The following RSU1 variants were observed in gnomAD, a reference collection of about 807,000 sequenced individuals.
RSU1 encodes rsu-1.
In RSU1, 26 loss-of-function variants were observed where a neutral mutation model predicts 31.1. The ratio of observed to expected loss-of-function variants is 0.84; its 90% CI spans 0.61 to 1.16. RSU1 has a LOEUF of 1.16. Among genes scored for constraint, RSU1 ranks in the 50% most tolerant of loss-of-function variants. RSU1 has a pLI of 0.00. For synonymous variants in RSU1, 164 were observed against 136.3 expected (o/e 1.20, Z -1.41); for missense variants, 320 against 339.1 (o/e 0.94, Z 0.44).
At chr10:16,689,664 A>C (rs747867578) in intron 8 of RSU1, among the ~76,000 whole-genome samples, 2 of 152,214 alleles carry the variant, frequency 1.3e-5, no homozygotes, top group Non-Finnish European at 2.9e-5. Flanking sequence ...CTTTTATCTC[A>C]TGGTTTCCCA....
intron 8 of RSU1, among the ~76,000 whole-genome samples, chr10:16,636,561 T>C (rs1020813037): frequency 2.6e-5 from 4 of 152,166 alleles, no homozygotes; most frequent in African/African-American, 9.7e-5. Flanking sequence ...CTTGTAGCAG[T>C]GATCATTTTG....
intron 8 of RSU1, among the ~76,000 whole-genome samples, chr10:16,654,270 T>C (rs932333218): frequency 2.0e-5 from 3 of 147,934 alleles, no homozygotes; most frequent in Non-Finnish European, 4.4e-5. Flanking sequence ...CCCAAAGCAT[T>C]GGGATTACAA....
At chr10:16,695,196 A>G (rs1235051892) in intron 7 of RSU1, 41 bp from the exon 8 acceptor site, 3 of 1,583,296 alleles carry the variant, frequency 1.9e-6, no homozygotes, top group East Asian at 2.3e-5. Flanking sequence ...ACTTCATCCA[A>G]TACAGATCAG....
chr10:16,754,211 T>C (rs1339487902), intron 5 of RSU1, among the ~76,000 whole-genome samples: 3 of 152,292 alleles, frequency 2.0e-5, no homozygotes, highest in Non-Finnish European at 4.4e-5. Flanking sequence ...TTTGAAGAAA[T>C]AGAACACTGA....
chr10:16,729,761 C>T (rs186347677), intron 7 of RSU1, among the ~76,000 whole-genome samples: 108 of 152,270 alleles, frequency 7.1e-4, no homozygotes, highest in African/African-American at 2.5e-3. Context: ...CTGTGATCAT[C>T]CCGCCCTCTC....
At position 16,803,693 on chromosome 10, in the gene RSU1, T is replaced by C. The variant is rs544935270; in HGVS notation, c.109+13280A>G. Among the ~76,000 whole-genome samples the C allele has an allele frequency of 5.3e-5, 8 of 152,292 alleles. No homozygotes were observed. In the East Asian group the frequency reaches 1.5e-3, roughly 29 times the overall value. On this transcript the variant is annotated intron_variant, in intron 2 of 8. Coordinates refer to ENST00000345264, the MANE Select transcript of RSU1 (RefSeq NM_012425.4). ...ATAGACCCACACAAATATAATCAGC[T>C]AATCTTTGGCAAAAGTGCAAAGGCA... is the stretch of plus-strand genomic sequence containing the variant.
intron 8 of RSU1, among the ~76,000 whole-genome samples, chr10:16,621,374 C>G (rs1441464748): frequency 6.6e-6 from 1 of 152,174 alleles, no homozygotes; most frequent in African/African-American, 2.4e-5. Context: ...ACTATGGACA[C>G]TGGCTCTGTT....
intron 7 of RSU1, among the ~76,000 whole-genome samples, chr10:16,741,377 C>T (rs1233058371): frequency 6.6e-6 from 1 of 151,932 alleles, no homozygotes; most frequent in Admixed American, 6.6e-5. Context: ...GAGAGATGGA[C>T]GGATTGGAGT....
At chr10:16,685,142 C>T (rs543871468) in intron 8 of RSU1, among the ~76,000 whole-genome samples, 3 of 152,180 alleles carry the variant, frequency 2.0e-5, no homozygotes, top group Non-Finnish European at 2.9e-5. Context: ...CCCAGGTACT[C>T]GGGAGACCGA....
At chr10:16,737,332 T>C (rs1307055364) in intron 7 of RSU1, among the ~76,000 whole-genome samples, 4 of 151,600 alleles carry the variant, frequency 2.6e-5, no homozygotes, top group African/African-American at 7.3e-5. Context: ...GAGAAACTGC[T>C]AAAACCCAAT....
intron 4 of RSU1, among the ~76,000 whole-genome samples, chr10:16,762,331 T>C (rs1837225887): frequency 6.6e-6 from 1 of 151,316 alleles, no homozygotes; most frequent in East Asian, 1.9e-4. Context: ...AATGTGTACA[T>C]ATATTTCATT....
chr10:16,690,047 C>A (rs1835513383), intron 8 of RSU1, among the ~76,000 whole-genome samples: 1 of 152,156 alleles, frequency 6.6e-6, no homozygotes, highest in African/African-American at 2.4e-5. Context: ...CAGTTGGTAT[C>A]CACGTTCCTT....
chr10:16,709,671 T>C (rs1002260481), intron 7 of RSU1, among the ~76,000 whole-genome samples: 4 of 152,228 alleles, frequency 2.6e-5, no homozygotes, highest in Admixed American at 2.6e-4. Context: ...TTTCCTGACT[T>C]TTTAACGATT....
At chr10:16,702,723 G>T (rs2131572571) in intron 7 of RSU1, among the ~76,000 whole-genome samples, 1 of 152,294 alleles carries the variant, frequency 6.6e-6, no homozygotes, top group South Asian at 2.1e-4. Context: ...CAGGTGGAAG[G>T]GACCAGCCTT....
At chr10:16,707,636 CT>C in intron 7 of RSU1, among the ~76,000 whole-genome samples, 1 of 150,546 alleles carries the variant, frequency 6.6e-6, no homozygotes, top group Non-Finnish European at 1.5e-5. Context: ...CAGATACATA[CT>C]TTGTAAATAT....
At chr10:16,673,525 T>A (rs1835159983) in intron 8 of RSU1, among the ~76,000 whole-genome samples, 2 of 152,222 alleles carry the variant, frequency 1.3e-5, no homozygotes, top group African/African-American at 2.4e-5. Context: ...TGTGAGAAAA[T>A]TTAAGCTCAA....
chr10:16,762,990 T>C (rs1837239151), intron 4 of RSU1, among the ~76,000 whole-genome samples: 1 of 139,408 alleles, frequency 7.2e-6, no homozygotes, highest in Non-Finnish European at 1.5e-5. Flanking sequence ...AGCAAGACTC[T>C]GTCTCAAAAA....
chr10:16,601,984 A>C lies in RSU1; in HGVS notation c.732-8488T>G, dbSNP rs563420285. 2.6e-5 allele frequency among the ~76,000 whole-genome samples: 4 copies of C among 152,266 alleles called. No individual in the cohort carries two copies. The East Asian group carries it at 7.7e-4, about 29-fold the overall frequency. The stretch of plus-strand genomic sequence containing the variant: ...GGGCTCACCCATTGAAAAATGAAAA[A>C]ATGGCTCACTCAATCTGAGGCCTGA... On this transcript the variant is annotated intron_variant, in intron 8 of 8. Coordinates refer to ENST00000345264, the MANE Select transcript of RSU1 (RefSeq NM_012425.4).
At chr10:16,640,462 A>G (rs1311225702) in intron 8 of RSU1, among the ~76,000 whole-genome samples, 3 of 152,190 alleles carry the variant, frequency 2.0e-5, no homozygotes, top group Non-Finnish European at 2.9e-5. Flanking sequence ...CTTTTCAAAA[A>G]GTCAATCTGA....
Sources: allele counts gnomAD v4.1 joint callset (sites outside exome capture counted in the v4.1 genomes callset), GRCh38; gene constraint gnomAD v4.1.1; transcripts MANE v1.5; gene names NCBI Gene and HGNC (gene_info 2026-07-23, HGNC 2026-07-21).